ZMYND11: variants seen among roughly 807,000 people sequenced by gnomAD.
ZMYND11 encodes zinc finger MYND domain-containing protein 11.
ZMYND11 carries 9 observed loss-of-function variants against 84.9 expected under a neutral mutation model. The observed-to-expected ratio is 0.11, with a 90% CI of 0.06 to 0.18. The LOEUF is 0.18. ZMYND11 is among the 10% of genes least tolerant of loss of function. ZMYND11 has a pLI of 1.00. For synonymous variants in ZMYND11, 250 were observed against 244.1 expected (o/e 1.02, Z -0.23); for missense variants, 409 against 761.0 (o/e 0.54, Z 5.44).
intron 2 of ZMYND11, among the ~76,000 whole-genome samples, chr10:209,072 TTGAGG>T (rs920023189): frequency 4.0e-5 from 6 of 151,838 alleles, no homozygotes; most frequent in African/African-American, 1.5e-4. Context: ...GAGATCAGCG[TTGAGG>T]TTTGTTTGGA....
At chr10:176,673 A>G (rs1846704367) in intron 1 of ZMYND11, among the ~76,000 whole-genome samples, 1 of 152,250 alleles carries the variant, frequency 6.6e-6, no homozygotes, top group Non-Finnish European at 1.5e-5. Context: ...TAAGAGATGT[A>G]TAAACAAATT....
intron 2 of ZMYND11, among the ~76,000 whole-genome samples, chr10:196,274 G>A (rs1230201337): frequency 6.6e-6 from 1 of 152,050 alleles, no homozygotes; most frequent in Non-Finnish European, 1.5e-5. Context: ...GTAATACTAC[G>A]GAAAATTTTT....
At chr10:206,511 A>G (rs889367086) in intron 2 of ZMYND11, among the ~76,000 whole-genome samples, 3 of 152,068 alleles carry the variant, frequency 2.0e-5, no homozygotes, top group Non-Finnish European at 2.9e-5. Context: ...TTTATTTCCT[A>G]TAGTTGTTTG....
chr10:213,676 T>C (rs1251742675), intron 3 of ZMYND11, among the ~76,000 whole-genome samples: 1 of 152,114 alleles, frequency 6.6e-6, no homozygotes, highest in Non-Finnish European at 1.5e-5. Flanking sequence ...TCTTGATAAG[T>C]CCCACAAGTT....
intron 1 of ZMYND11, among the ~76,000 whole-genome samples, chr10:146,215 T>C (rs528372655): frequency 1.3e-5 from 2 of 152,336 alleles, no homozygotes; most frequent in South Asian, 4.1e-4. Flanking sequence ...TTCTAGGTTC[T>C]CTATTCTTTT....
chr10:231,275 T>C (rs1427160955), intron 4 of ZMYND11, among the ~76,000 whole-genome samples: 1 of 152,202 alleles, frequency 6.6e-6, no homozygotes, highest in East Asian at 1.9e-4. Flanking sequence ...ATACTGAGTA[T>C]TGGGAACGCC....
At chr10:236,805 T>C in intron 4 of ZMYND11, 33 bp from the exon 5 acceptor site, 1 of 1,564,366 alleles carries the variant, frequency 6.4e-7, no homozygotes, top group Non-Finnish European at 8.8e-7. Flanking sequence ...TGATCAGATT[T>C]TGTACCTTTT....
chr10:218,767 T>A lies in ZMYND11; in HGVS notation c.277-2428T>A, dbSNP rs570727451. 3.3e-5 allele frequency among the ~76,000 whole-genome samples: 5 copies of A among 152,268 alleles called. No homozygotes were observed. In the South Asian group the frequency reaches 1.0e-3, roughly 32 times the overall value. On this transcript the variant is annotated intron_variant, in intron 3 of 14. Coordinates refer to ENST00000381604, the MANE Select transcript of ZMYND11 (RefSeq NM_001370100.5). Reference sequence around the variant, plus strand: ...TGACATCTGGGGGAACCAGTGAAAATGCAAACTTAGGTTCTTTGACATACA... The same window carrying A: ...TGACATCTGGGGGAACCAGTGAAAAAGCAAACTTAGGTTCTTTGACATACA...
intron 2 of ZMYND11, among the ~76,000 whole-genome samples, chr10:185,827 AAC>A (rs1588747079): frequency 6.6e-6 from 1 of 150,714 alleles, no homozygotes; most frequent in Non-Finnish European, 1.5e-5. Context: ...AAAACAAAAA[AAC>A]AAAAAAACAA....
chr10:241,027 C>A, intron 9 of ZMYND11, 57 bp downstream of exon 9: 1 of 1,369,952 alleles, frequency 7.3e-7, no homozygotes. Context: ...AGTTTATTTC[C>A]AGTTTGGTTA....
chr10:200,324 A>T (rs908846193), intron 2 of ZMYND11, among the ~76,000 whole-genome samples: 10 of 127,508 alleles, frequency 7.8e-5, no homozygotes, highest in Non-Finnish European at 1.3e-4. Flanking sequence ...ATAACATATA[A>T]TATGTATTAT....
At chr10:163,821 A>C (rs573239748) in intron 1 of ZMYND11, among the ~76,000 whole-genome samples, 19 of 152,214 alleles carry the variant, frequency 1.2e-4, no homozygotes, top group South Asian at 8.3e-4. Context: ...TCTTGGACTC[A>C]ACACATACCT....
At chr10:227,880 GA>G (rs1948395865) in intron 4 of ZMYND11, among the ~76,000 whole-genome samples, 6 of 152,216 alleles carry the variant, frequency 3.9e-5, no homozygotes, top group Middle Eastern at 3.4e-3. Context: ...ATGGAGATTT[GA>G]TTTTTAAATA....
intron 4 of ZMYND11, among the ~76,000 whole-genome samples, chr10:227,730 A>G (rs1187517844): frequency 2.6e-5 from 4 of 152,212 alleles, no homozygotes; most frequent in Admixed American, 2.6e-4. Context: ...TACTTTGAAC[A>G]TAAATTCCTT....
intron 2 of ZMYND11, among the ~76,000 whole-genome samples, chr10:200,205 G>GGGGTGTGTGTGTGTGTGT (rs1554774397): frequency 2.4e-4 from 32 of 132,422 alleles, no homozygotes; most frequent in East Asian, 4.2e-4. Flanking sequence ...GCCTGGCTAG[G>GGGGTGTGTGTGTGTGTGT]GTGTGTGTGT....
At chr10:183,767 AC>A (rs1250568731) in intron 2 of ZMYND11, among the ~76,000 whole-genome samples, 1 of 152,062 alleles carries the variant, frequency 6.6e-6, no homozygotes, top group Non-Finnish European at 1.5e-5. Context: ...TTTTCGACAT[AC>A]CCCTTATTGA....
At chr10:132,482 A>G, upstream of ZMYND11, among the ~76,000 whole-genome samples, 1 of 151,966 alleles carries the variant, frequency 6.6e-6, no homozygotes, top group Admixed American at 6.6e-5. Flanking sequence ...GATGACACTC[A>G]CTAGACACAC....
At chr10:155,958 C>T (rs1337874737) in intron 1 of ZMYND11, among the ~76,000 whole-genome samples, 1 of 152,118 alleles carries the variant, frequency 6.6e-6, no homozygotes, top group Non-Finnish European at 1.5e-5. Context: ...AGTGGCAAAC[C>T]TTGAGGGAGG....
At position 221,252 on chromosome 10, in the gene ZMYND11, G is replaced by A; in HGVS notation, c.334G>A (p.Val112Met). Residue 112 changes from valine to methionine, a missense_variant, in exon 4 of 15, where the codon GTG becomes ATG. By Grantham distance (21) the Val-to-Met change is conservative. Transcript: ENST00000381604. ...TTTTGAATGCCATTTGCCTGGAGAG[G>A]TGTTGATATGTGACCTGTGTTTTCG... ...YCFECHLPGE[V>M]LICDLCFRVY... 1 of 1,613,908 alleles carries A rather than the reference G, an allele frequency of 6.2e-7. No homozygotes were observed. The highest frequency in any genetic ancestry group is 1.3e-5 in the African/African-American group (1 of 75,010).
Sources: allele counts gnomAD v4.1 joint callset (sites outside exome capture counted in the v4.1 genomes callset), GRCh38; gene constraint gnomAD v4.1.1; transcripts MANE v1.5; gene names NCBI Gene and HGNC (gene_info 2026-07-23, HGNC 2026-07-21).